The following NUP35 variants were observed in gnomAD, a reference collection of about 807,000 sequenced individuals.
NUP35 encodes the protein nucleoporin 35, also known as nucleoporin NUP35.
NUP35 carries 25 observed loss-of-function variants against 41.5 expected under a neutral mutation model. That is an observed-to-expected ratio of 0.60 (90% CI 0.44 to 0.84). NUP35 has a LOEUF of 0.84. Among genes scored for constraint, NUP35 ranks in the 40% least tolerant of loss-of-function variants. NUP35 has a pLI of 0.00. For synonymous variants in NUP35, 149 were observed against 130.7 expected (o/e 1.14, Z -0.96); for missense variants, 396 against 396.6 (o/e 1.00, Z 0.01).
chr2:183,133,495 A>T, intron 3 of NUP35, 71 bp from the exon 4 acceptor site: 1 of 1,232,602 alleles, frequency 8.1e-7, no homozygotes, highest in Non-Finnish European at 1.2e-6. Context: ...TATCCATTGA[A>T]TGAAGCCTTT....
chr2:183,153,282 G>A (rs558009945), intron 5 of NUP35, among the ~76,000 whole-genome samples: 26 of 152,102 alleles, frequency 1.7e-4, no homozygotes, highest in East Asian at 9.7e-4. Context: ...ATGTCCTCAC[G>A]TTTCAAAACC....
At chr2:183,122,029 C>T (rs745457995), upstream of NUP35, among the ~76,000 whole-genome samples, 105 of 150,430 alleles carry the variant, frequency 7.0e-4, no homozygotes, top group South Asian at 4.2e-4. Context: ...ATTTACAAAC[C>T]CTTTTCTACT....
At chr2:183,124,588 C>A in intron 1 of NUP35, 91 bp downstream of exon 1, 3 of 1,524,620 alleles carry the variant, frequency 2.0e-6, no homozygotes, top group South Asian at 1.1e-5. Context: ...GTCAGGCTCT[C>A]GTCTGCTGGT....
chr2:183,160,894 AAC>A (rs1266879517), intron 8 of NUP35, 158 bp from the exon 9 acceptor site: 1 of 513,842 alleles, frequency 1.9e-6, no homozygotes, highest in Non-Finnish European at 3.6e-6. Context: ...CATCCTGGCT[AAC>A]ACGGTGAAAC....
chr2:183,133,530 G>C (rs1684769304), intron 3 of NUP35, 36 bp from the exon 4 acceptor site: 2 of 1,545,312 alleles, frequency 1.3e-6, no homozygotes, highest in Non-Finnish European at 1.8e-6. Context: ...TTTATGTTTT[G>C]CATTTTTACC....
At chr2:183,159,725 T>TATGCC (rs1307300515) in intron 8 of NUP35, 73 bp downstream of exon 8, 29 of 1,147,850 alleles carry the variant, frequency 2.5e-5, no homozygotes, top group Non-Finnish European at 3.4e-5. Flanking sequence ...TTTTTCATTG[T>TATGCC]ATTGATTTGT....
intron 1 of NUP35, among the ~76,000 whole-genome samples, chr2:183,125,950 T>G (rs1684454891): frequency 1.3e-5 from 2 of 151,832 alleles, no homozygotes; most frequent in South Asian, 4.2e-4. Context: ...GCCTGAGGGG[T>G]GGTTGGTGAC....
At chr2:183,155,207 T>G (rs2105612417) in intron 5 of NUP35, among the ~76,000 whole-genome samples, 1 of 152,348 alleles carries the variant, frequency 6.6e-6, no homozygotes. Flanking sequence ...TTAAAAAACA[T>G]AAAAATAACA....
At chr2:183,141,487 T>C (rs907368141) in intron 4 of NUP35, among the ~76,000 whole-genome samples, 3 of 152,242 alleles carry the variant, frequency 2.0e-5, no homozygotes, top group Non-Finnish European at 4.4e-5. Context: ...ATTGAAGATA[T>C]TGTATTTTCC....
Position 183,124,494 on chromosome 2 carries a change from T to G in NUP35, c.37T>G (p.Leu13Val). The stretch of plus-strand genomic sequence containing the variant: ...TGCAGTGGAACCTCAGGGGCCCGCG[T>G]TAGGTGAGTGAAATATTGCTTTTCC... Reference protein sequence around the residue: ...AFAVEPQGPALGSEPMMLGSP... With the variant: ...AFAVEPQGPAVGSEPMMLGSP... The change falls in exon 1 of 9, where the codon TTA becomes GTA. Residue 13 changes from leucine to valine, a missense_variant. Leu to Val is a conservative substitution (Grantham distance 32). Transcript: ENST00000295119. 1 of 1,613,932 alleles carries G rather than the reference T, an allele frequency of 6.2e-7. No homozygotes were observed. The highest frequency in any genetic ancestry group is 1.7e-5 in the Admixed American group (1 of 59,990).
At chr2:183,138,269 A>ATATT in intron 4 of NUP35, among the ~76,000 whole-genome samples, 41 of 80,688 alleles carry the variant, frequency 5.1e-4, no homozygotes, top group Middle Eastern at 7.9e-3. Flanking sequence ...ATATATATAT[A>ATATT]TTTTTTTTTT....
chr2:183,148,922 C>T (rs4666890), intron 4 of NUP35, among the ~76,000 whole-genome samples: 11,836 of 152,208 alleles, frequency 0.078, 547 homozygotes, highest in South Asian at 0.17. Context: ...ATTACAGTCA[C>T]GAGCCACAGT....
At chr2:183,148,561 A>G (rs1359116600) in intron 4 of NUP35, among the ~76,000 whole-genome samples, 2 of 152,070 alleles carry the variant, frequency 1.3e-5, no homozygotes, top group Non-Finnish European at 2.9e-5. Flanking sequence ...GATGTTGAGC[A>G]TTTTTTCATA....
chr2:183,149,167 C>T (rs1275819347), intron 4 of NUP35, among the ~76,000 whole-genome samples: 1 of 152,162 alleles, frequency 6.6e-6, no homozygotes, highest in East Asian at 1.9e-4. Context: ...GAGCATGACT[C>T]ATGCGCATTG....
At chr2:183,118,305 T>C (rs1700017072) in intron 1 of NUP35, 1 of 152,198 alleles carries the variant, frequency 6.6e-6, no homozygotes, top group African/African-American at 2.4e-5. Flanking sequence ...ATAGTGAACA[T>C]GCAGTATTTC....
At chr2:183,129,323 A>G (rs1417070190) in intron 2 of NUP35, among the ~76,000 whole-genome samples, 1 of 152,244 alleles carries the variant, frequency 6.6e-6, no homozygotes, top group African/African-American at 2.4e-5. Flanking sequence ...ACTTTAAAAA[A>G]TGACTTCGAA....
At chr2:183,155,255 G>A (rs1220880112) in intron 5 of NUP35, among the ~76,000 whole-genome samples, 1 of 152,194 alleles carries the variant, frequency 6.6e-6, no homozygotes, top group African/African-American at 2.4e-5. Flanking sequence ...CATAGTAAAT[G>A]TTTAGTGGAT....
At chr2:183,146,078 A>G (rs1013870104) in intron 4 of NUP35, among the ~76,000 whole-genome samples, 5 of 152,198 alleles carry the variant, frequency 3.3e-5, no homozygotes, top group East Asian at 3.9e-4. Flanking sequence ...TCTATTAAAA[A>G]TACAAAAATT....
intron 4 of NUP35, among the ~76,000 whole-genome samples, chr2:183,139,016 TC>T (rs2105571214): frequency 6.6e-6 from 1 of 152,218 alleles, no homozygotes; most frequent in East Asian, 1.9e-4. Context: ...GATTATGAAC[TC>T]CTTCAAGACA....
Sources: gnomAD v4.1 joint callset for allele counts (sites outside exome capture counted in the v4.1 genomes callset) on GRCh38, gnomAD v4.1.1 for gene constraint, MANE v1.5 for transcripts, NCBI Gene and HGNC (gene_info 2026-07-23, HGNC 2026-07-21) for gene names.